The following NXPE2 variants were observed in gnomAD, a reference collection of about 807,000 sequenced individuals.
The protein encoded by NXPE2 is neurexophilin and PC-esterase domain family member 2.
A neutral mutation model predicts 34.4 loss-of-function variants in NXPE2; 34 were observed. The observed-to-expected ratio is 0.99, with a 90% CI of 0.75 to 1.31. NXPE2 has a LOEUF of 1.31. Ranked by LOEUF, NXPE2 falls within the 40% of genes most tolerant of loss-of-function variation. The pLI is 0.00. For missense variants in NXPE2, 649 were observed against 672.5 expected, an observed-to-expected ratio of 0.97 and a Z score of 0.39; for synonymous variants, 235 against 231.3, an observed-to-expected ratio of 1.02 and a Z score of -0.15.
chr11:114,621,357 A>G, the NXPE2 span, among the ~76,000 whole-genome samples: 1 of 151,494 alleles, frequency 6.6e-6, no homozygotes. Flanking sequence ...TCGTTAGTAA[A>G]TACTGTTATC....
At chr11:114,570,258 C>T in the NXPE2 span, among the ~76,000 whole-genome samples, 2 of 152,110 alleles carry the variant, frequency 1.3e-5, no homozygotes, top group Admixed American at 1.3e-4. Context: ...ACCCAAAGTG[C>T]TAGGATTACA....
the NXPE2 span, among the ~76,000 whole-genome samples, chr11:114,812,588 A>C: frequency 3.3e-5 from 5 of 152,176 alleles, no homozygotes; most frequent in African/African-American, 1.2e-4. Flanking sequence ...CTTTTGAGCA[A>C]AAACCTAAGA....
At chr11:114,484,800 C>T in the NXPE2 span, among the ~76,000 whole-genome samples, 3 of 152,202 alleles carry the variant, frequency 2.0e-5, no homozygotes, top group Admixed American at 6.5e-5. Flanking sequence ...TTTAGTCTTT[C>T]AAAAATGTTC....
chr11:114,596,386 G>A, the NXPE2 span, among the ~76,000 whole-genome samples: 2 of 152,194 alleles, frequency 1.3e-5, no homozygotes, highest in Admixed American at 1.3e-4. Context: ...TGCTGGCCCT[G>A]TGGCTCCGTC....
the NXPE2 span, among the ~76,000 whole-genome samples, chr11:114,808,888 A>C: frequency 1.3e-5 from 2 of 152,058 alleles, no homozygotes; most frequent in Non-Finnish European, 2.9e-5. Flanking sequence ...GAGACACAAC[A>C]AAAAAAGAGA....
the NXPE2 span, among the ~76,000 whole-genome samples, chr11:114,604,594 A>G: frequency 2.0e-5 from 3 of 151,924 alleles, no homozygotes; most frequent in African/African-American, 7.3e-5. Context: ...CCTCATGGGT[A>G]ACCACCATTA....
chr11:114,726,049 T>C, the NXPE2 span, among the ~76,000 whole-genome samples: 2 of 148,326 alleles, frequency 1.3e-5, no homozygotes, highest in Middle Eastern at 3.6e-3. Flanking sequence ...TCTGGCAGTG[T>C]GAATGCACTG....
chr11:114,475,289 G>GCTA, the NXPE2 span, among the ~76,000 whole-genome samples: 3 of 129,918 alleles, frequency 2.3e-5, no homozygotes, highest in Non-Finnish European at 3.1e-5. Context: ...TGTCGCCCAG[G>GCTA]CTAGAGTGCA....
chr11:114,675,902 C>T (rs1477947190), upstream of NXPE2, among the ~76,000 whole-genome samples: 1 of 151,778 alleles, frequency 6.6e-6, no homozygotes, highest in Non-Finnish European at 1.5e-5. Flanking sequence ...AAAACAGACA[C>T]ATAGAAGAAT....
At chr11:114,530,812 G>A in the NXPE2 span, 2 of 1,614,212 alleles carry the variant, frequency 1.2e-6, no homozygotes, top group Non-Finnish European at 1.7e-6. Flanking sequence ...GTCTCTGTTA[G>A]TGGCTTTAAT....
At chr11:114,806,927 A>C in the NXPE2 span, among the ~76,000 whole-genome samples, 22,230 of 152,114 alleles carry the variant, frequency 0.15, 1,614 homozygotes, top group South Asian at 0.18. Flanking sequence ...AAAAATGTTA[A>C]GGGCAGCCAG....
the NXPE2 span, chr11:114,580,385 C>A: frequency 6.5e-7 from 1 of 1,536,268 alleles, no homozygotes; most frequent in South Asian, 1.1e-5. Flanking sequence ...ATCAAATTAC[C>A]CGTCAGTATG....
At chr11:114,623,027 C>T in the NXPE2 span, among the ~76,000 whole-genome samples, 3 of 152,042 alleles carry the variant, frequency 2.0e-5, no homozygotes, top group Non-Finnish European at 4.4e-5. Context: ...TTGCGGGAAA[C>T]CCCTGTTACC....
At chr11:114,710,223 A>G (rs1163382654), downstream of NXPE2, among the ~76,000 whole-genome samples, 1 of 152,204 alleles carries the variant, frequency 6.6e-6, no homozygotes, top group Admixed American at 6.5e-5. Context: ...GTCCAAAGTC[A>G]GCAGAAGGAA....
At chr11:114,694,507 A>T (rs560034548) in intron 2 of NXPE2, among the ~76,000 whole-genome samples, 45 of 152,254 alleles carry the variant, frequency 3.0e-4, no homozygotes, top group African/African-American at 1.0e-3. Flanking sequence ...GAAAAATTTC[A>T]GTCATTATTT....
At chr11:114,677,385 T>C (rs189941812), upstream of NXPE2, among the ~76,000 whole-genome samples, 1 of 152,222 alleles carries the variant, frequency 6.6e-6, no homozygotes, top group Admixed American at 6.6e-5. Context: ...CATTATACAC[T>C]GTAAACACAT....
the NXPE2 span, among the ~76,000 whole-genome samples, chr11:114,564,173 G>T: frequency 6.6e-6 from 1 of 152,176 alleles, no homozygotes; most frequent in Non-Finnish European, 1.5e-5. Flanking sequence ...TAGAGTCGAA[G>T]CCTATTATTC....
the NXPE2 span, among the ~76,000 whole-genome samples, chr11:114,653,590 C>T: frequency 6.2e-5 from 9 of 145,802 alleles, no homozygotes; most frequent in African/African-American, 1.3e-4. Flanking sequence ...GGCAGTGGCA[C>T]GATCTCGGCT....
the NXPE2 span, among the ~76,000 whole-genome samples, chr11:114,607,952 C>A: frequency 6.6e-6 from 1 of 151,614 alleles, no homozygotes; most frequent in African/African-American, 2.4e-5. Flanking sequence ...CCACTGTTAC[C>A]CAGTGGATAA....
Sources: gnomAD v4.1 joint callset for allele counts (sites outside exome capture counted in the v4.1 genomes callset) on GRCh38, gnomAD v4.1.1 for gene constraint, MANE v1.5 for transcripts, NCBI Gene and HGNC (gene_info 2026-07-23, HGNC 2026-07-21) for gene names.